Variants in PPP2R2B observed in about 807,000 individuals in gnomAD.
The protein encoded by PPP2R2B is protein phosphatase 2 regulatory subunit Bbeta, also known as serine/threonine-protein phosphatase 2A 55 kDa regulatory subunit B beta isoform.
A neutral mutation model predicts 46.0 loss-of-function variants in PPP2R2B; 5 were observed. The observed-to-expected ratio is 0.11, with a 90% CI of 0.06 to 0.23. PPP2R2B has a LOEUF of 0.23. PPP2R2B is among the 10% of genes least tolerant of loss of function. PPP2R2B has a pLI of 1.00. For synonymous variants in PPP2R2B, 215 were observed against 206.7 expected (o/e 1.04, Z -0.34); for missense variants, 367 against 575.0 (o/e 0.64, Z 3.70).
At chr5:146,661,465 T>C (rs1042147118) in intron 5 of PPP2R2B, among the ~76,000 whole-genome samples, 3 of 152,036 alleles carry the variant, frequency 2.0e-5, no homozygotes, top group Non-Finnish European at 4.4e-5. Flanking sequence ...CATAAATATA[T>C]AAAATATCTA....
chr5:146,785,987 A>G (rs1755814659), intron 2 of PPP2R2B, among the ~76,000 whole-genome samples: 1 of 152,136 alleles, frequency 6.6e-6, no homozygotes, highest in Non-Finnish European at 1.5e-5. Flanking sequence ...GACTACAGTT[A>G]TCAATAATTT....
intron 2 of PPP2R2B, among the ~76,000 whole-genome samples, chr5:146,790,076 G>A (rs1197281445): frequency 2.0e-5 from 3 of 152,200 alleles, no homozygotes; most frequent in South Asian, 2.1e-4. Flanking sequence ...TAGCCCTCCA[G>A]GGGGCAGGAA....
chr5:146,843,187 CA>C (rs373988234), intron 2 of PPP2R2B, among the ~76,000 whole-genome samples: 1 of 152,092 alleles, frequency 6.6e-6, no homozygotes, highest in Non-Finnish European at 1.5e-5. Context: ...AACTCTGCCT[CA>C]AAAAAACTTT....
At chr5:146,792,715 C>A (rs909135081) in intron 2 of PPP2R2B, among the ~76,000 whole-genome samples, 1 of 152,174 alleles carries the variant, frequency 6.6e-6, no homozygotes, top group Non-Finnish European at 1.5e-5. Context: ...GGAAGAAGAG[C>A]AGCCCAGGTA....
intron 2 of PPP2R2B, among the ~76,000 whole-genome samples, chr5:146,778,004 A>C (rs1755292562): frequency 6.6e-6 from 1 of 152,198 alleles, no homozygotes; most frequent in East Asian, 1.9e-4. Context: ...GCAGGATGTT[A>C]GACAAGATGA....
At chr5:146,790,920 A>G (rs557975922) in intron 2 of PPP2R2B, among the ~76,000 whole-genome samples, 18 of 152,322 alleles carry the variant, frequency 1.2e-4, no homozygotes, top group Non-Finnish European at 2.1e-4. Context: ...ACTATACTAG[A>G]GTAGATACAC....
intron 1 of PPP2R2B, among the ~76,000 whole-genome samples, chr5:147,003,142 G>A (rs998276225): frequency 3.3e-5 from 5 of 152,112 alleles, no homozygotes; most frequent in Non-Finnish European, 5.9e-5. Flanking sequence ...TTCATTGAAG[G>A]AGAATACACA....
intron 2 of PPP2R2B, among the ~76,000 whole-genome samples, chr5:146,745,585 T>C (rs1228705735): frequency 6.6e-6 from 1 of 152,206 alleles, no homozygotes; most frequent in Non-Finnish European, 1.5e-5. Flanking sequence ...TGAATCTCTT[T>C]GAACTTCAGT....
intron 7 of PPP2R2B, among the ~76,000 whole-genome samples, chr5:146,622,166 C>T (rs1773748466): frequency 6.6e-6 from 1 of 152,172 alleles, no homozygotes; most frequent in East Asian, 1.9e-4. Flanking sequence ...GGTTCAAGCC[C>T]CCTCTACCTT....
chr5:146,884,031 G>T (rs1362447140), intron 1 of PPP2R2B, among the ~76,000 whole-genome samples: 1 of 149,680 alleles, frequency 6.7e-6, no homozygotes, highest in Admixed American at 6.7e-5. Flanking sequence ...TCAGAAATCT[G>T]CCATGGTAGG....
chr5:146,737,532 A>G (rs1310700478), intron 2 of PPP2R2B, among the ~76,000 whole-genome samples: 2 of 152,214 alleles, frequency 1.3e-5, no homozygotes, highest in South Asian at 4.1e-4. Flanking sequence ...TCAAACCTGC[A>G]GAAGAGCTGG....
intron 1 of PPP2R2B, among the ~76,000 whole-genome samples, chr5:147,036,465 G>A (rs939850157): frequency 6.6e-6 from 1 of 152,126 alleles, no homozygotes; most frequent in Non-Finnish European, 1.5e-5. Context: ...GAATAATTCT[G>A]TAATGAACAT....
chr5:147,068,554 T>C (rs1360405745), intron 2 of PPP2R2B, among the ~76,000 whole-genome samples: 2 of 152,232 alleles, frequency 1.3e-5, no homozygotes, highest in East Asian at 1.9e-4. Context: ...TTTAGTTTCA[T>C]GAATTTGGTT....
chr5:146,881,437 CAG>C (rs1762165595), upstream of PPP2R2B, among the ~76,000 whole-genome samples: 1 of 151,786 alleles, frequency 6.6e-6, no homozygotes, highest in South Asian at 2.1e-4. Flanking sequence ...TTTTCTGAGC[CAG>C]AGTCTCTCTG....
At chr5:146,645,385 T>C (rs1333652682) in intron 6 of PPP2R2B, among the ~76,000 whole-genome samples, 1 of 152,118 alleles carries the variant, frequency 6.6e-6, no homozygotes. Flanking sequence ...AATGTGTAAA[T>C]ATTCATGGAG....
intron 4 of PPP2R2B, 151 bp downstream of exon 4, chr5:146,697,828 G>T: frequency 3.2e-6 from 2 of 631,668 alleles, no homozygotes; most frequent in Non-Finnish European, 2.5e-6. Context: ...GAATCTGTGT[G>T]TGCCAGGCAC....
intron 2 of PPP2R2B, among the ~76,000 whole-genome samples, chr5:146,855,727 TA>T (rs1168341302): frequency 1.3e-5 from 2 of 152,198 alleles, no homozygotes; most frequent in Non-Finnish European, 2.9e-5. Flanking sequence ...TTCTCTTTCT[TA>T]AATCAAAATA....
intron 1 of PPP2R2B, among the ~76,000 whole-genome samples, chr5:146,975,369 G>C (rs551144039): frequency 6.6e-6 from 1 of 152,154 alleles, no homozygotes. Flanking sequence ...ATATTCCACT[G>C]TGTGTATATT....
At chr5:146,677,887 C>G (rs1388280417) in intron 5 of PPP2R2B, among the ~76,000 whole-genome samples, 11 of 152,128 alleles carry the variant, frequency 7.2e-5, no homozygotes, top group Admixed American at 6.5e-4. Context: ...CCCATGAGAG[C>G]AGAGACCATA....
Sources: gnomAD v4.1 joint callset for allele counts (sites outside exome capture counted in the v4.1 genomes callset) on GRCh38, gnomAD v4.1.1 for gene constraint, MANE v1.5 for transcripts, NCBI Gene and HGNC (gene_info 2026-07-23, HGNC 2026-07-21) for gene names.